PDILT: variants seen among roughly 807,000 people sequenced by gnomAD.
PDILT encodes protein disulfide isomerase like, testis expressed, also known as protein disulfide-isomerase-like protein of the testis.
Under a neutral mutation model 53.7 loss-of-function variants are expected in PDILT, and 43 were observed. The ratio of observed to expected loss-of-function variants is 0.80; its 90% CI spans 0.63 to 1.03. PDILT has a LOEUF of 1.03. PDILT is among the 50% of genes least tolerant of loss of function. PDILT has a pLI of 0.00. For synonymous variants in PDILT, 282 were observed against 274.2 expected, an observed-to-expected ratio of 1.03 and a Z score of -0.28; for missense variants, 727 against 712.3, an observed-to-expected ratio of 1.02 and a Z score of -0.24.
chr16:20,394,121 T>A (rs1210616690), intron 2 of PDILT, among the ~76,000 whole-genome samples: 1 of 151,396 alleles, frequency 6.6e-6, no homozygotes, highest in Non-Finnish European at 1.5e-5. Context: ...CACTAGGGGG[T>A]CTTGGCATGA....
At chr16:20,364,928 G>A (rs901345326) in intron 9 of PDILT, among the ~76,000 whole-genome samples, 3 of 152,190 alleles carry the variant, frequency 2.0e-5, no homozygotes, top group Non-Finnish European at 2.9e-5. Flanking sequence ...AGGAGTGTAG[G>A]TGCTGAAGTC....
intron 2 of PDILT, chr16:20,385,912 A>G (rs1417524894): frequency 1.3e-5 from 2 of 152,224 alleles, no homozygotes; most frequent in East Asian, 1.9e-4. Flanking sequence ...GAGAGGAAGC[A>G]TGAGAGCTCA....
chr16:20,387,715 G>A (rs1219611790), intron 2 of PDILT, among the ~76,000 whole-genome samples: 1 of 151,860 alleles, frequency 6.6e-6, no homozygotes, highest in African/African-American at 2.4e-5. Context: ...CCACCTCCCG[G>A]GTTCAAGTGA....
At position 20,389,698 on chromosome 16, in the gene PDILT, C is replaced by A. The variant is rs193237739; in HGVS notation, c.203-4847G>T. 3.6e-3 allele frequency among the ~76,000 whole-genome samples: 545 copies of A among 151,638 alleles called. 4 individuals are homozygous for A. Among genetic ancestry groups the A allele is most frequent in the African/African-American group, 0.013 (527 of 41,302 alleles). ...TGTAGATGTGTTAATGGCTGATGGA[C>A]CTAGAATTAACGTTTGCCTGGTCTT... is the stretch of plus-strand genomic sequence containing the variant. On this transcript the variant is annotated intron_variant, in intron 2 of 11. Transcript: ENST00000302451.
At chr16:20,375,561 C>T (rs528570112) in intron 4 of PDILT, among the ~76,000 whole-genome samples, 1 of 152,202 alleles carries the variant, frequency 6.6e-6, no homozygotes, top group Non-Finnish European at 1.5e-5. Flanking sequence ...AAAAAATCTA[C>T]ATGAAAGGCT....
intron 7 of PDILT, among the ~76,000 whole-genome samples, chr16:20,370,508 C>T (rs1319134476): frequency 6.6e-6 from 1 of 152,174 alleles, no homozygotes; most frequent in African/African-American, 2.4e-5. Flanking sequence ...GTGGTGGAAA[C>T]TGCCAGTGCA....
rs184885700 is a variant in PDILT, at chr16:20,400,471, A to T, written c.-7-1164T>A. 4.3e-3 allele frequency among the ~76,000 whole-genome samples: 633 copies of T among 148,240 alleles called. 15 individuals carry two copies. The highest frequency in any genetic ancestry group is 9.2e-4 in the Non-Finnish European group (62 of 67,392). ...CTCTTTTTAACCCTGGATACACATG[A>T]AAATCCTCTGGGGAGCTTTTAGGAG... On this transcript the variant is annotated intron_variant, in intron 1 of 11. Coordinates refer to ENST00000302451, the MANE Select transcript of PDILT (RefSeq NM_174924.2).
At chr16:20,400,864 A>G (rs1309706130) in intron 1 of PDILT, among the ~76,000 whole-genome samples, 1 of 152,200 alleles carries the variant, frequency 6.6e-6, no homozygotes, top group Non-Finnish European at 1.5e-5. Context: ...GATCATACTT[A>G]ATGAAATGCA....
chr16:20,399,254 G>A lies in PDILT; in HGVS notation c.47C>T (p.Ser16Phe), dbSNP rs1454578593. 1 of 1,614,096 alleles carries A rather than the reference G, an allele frequency of 6.2e-7. No individual in the cohort carries two copies. The highest frequency in any genetic ancestry group is 8.5e-7 in the Non-Finnish European group (1 of 1,179,938). The change falls in exon 2 of 12, where the codon TCT becomes TTT. Residue 16 changes from serine to phenylalanine, a missense_variant. Physicochemically the swap from Ser to Phe is radical, Grantham distance 155. Coordinates refer to ENST00000302451, the MANE Select transcript of PDILT (RefSeq NM_174924.2). Reference protein sequence around the residue: ...MPLLLVAACVSAVHSSPEVNA... With the variant: ...MPLLLVAACVFAVHSSPEVNA... ...AACCTCTGGTGAGCTGTGGACAGCA[G>A]AGACACAAGCGGCCACCAGCAGCAG...
At chr16:20,363,071 CAAAAAAAAAA>C (rs1187383410) in intron 9 of PDILT, among the ~76,000 whole-genome samples, 2 of 93,576 alleles carry the variant, frequency 2.1e-5, no homozygotes, top group Admixed American at 1.4e-4. Flanking sequence ...GACTCCATCT[CAAAAAAAAAA>C]AAAAAAAAAA....
At chr16:20,370,916 G>T (rs778521889) in intron 7 of PDILT, among the ~76,000 whole-genome samples, 16 of 152,228 alleles carry the variant, frequency 1.1e-4, no homozygotes, top group Admixed American at 1.3e-4. Flanking sequence ...CTAAAAAGGG[G>T]AAGCATGAAT....
chr16:20,374,722 G>A, intron 5 of PDILT, 100 bp downstream of exon 5: 1 of 1,330,750 alleles, frequency 7.5e-7, no homozygotes, highest in Non-Finnish European at 1.0e-6. Flanking sequence ...CAATGCCACT[G>A]AGTTCACAAG....
At chr16:20,376,845 G>A (rs182188833) in intron 3 of PDILT, among the ~76,000 whole-genome samples, 3 of 152,174 alleles carry the variant, frequency 2.0e-5, no homozygotes, top group Admixed American at 1.3e-4. Context: ...CTATATCTGG[G>A]AAGACAAATT....
At chr16:20,359,707 TGGACTGC>T in intron 11 of PDILT, 140 bp from the exon 12 acceptor site, 1 of 864,740 alleles carries the variant, frequency 1.2e-6, no homozygotes, top group Non-Finnish European at 1.7e-6. Context: ...AATCAGTCTT[TGGACTGC>T]AGGGTTTTCA....
At chr16:20,402,672 T>C (rs1368157135) in intron 1 of PDILT, among the ~76,000 whole-genome samples, 2 of 152,194 alleles carry the variant, frequency 1.3e-5, no homozygotes, top group Non-Finnish European at 2.9e-5. Flanking sequence ...AGCAAAGAAG[T>C]GAACTACTGT....
At chr16:20,392,349 G>A (rs1429370467) in intron 2 of PDILT, among the ~76,000 whole-genome samples, 1 of 152,154 alleles carries the variant, frequency 6.6e-6, no homozygotes, top group African/African-American at 2.4e-5. Context: ...TCCACATGTG[G>A]ACAATGTGGG....
chr16:20,376,106 C>T lies in PDILT; in HGVS notation c.505G>A (p.Val169Met), dbSNP rs867557487. The T allele has an allele frequency of 6.2e-7, 1 of 1,614,056 alleles. No homozygotes were observed. The highest frequency in any genetic ancestry group is 2.2e-5 in the East Asian group (1 of 44,894). Residue 169 changes from valine (V) to methionine (M), a missense_variant, in exon 4 of 12, where the codon GTG becomes ATG. Physicochemically the swap from Val to Met is conservative, Grantham distance 21. Transcript: ENST00000302451. ...FNSSEQVAEF[V>M]ISRPLVIVGF... ...ACGATGACCAAGGGCCTGGATATCA[C>T]AAACTCTGCCACCTGCTCGCTGCTG...
At chr16:20,366,975 C>T (rs1037535546) in intron 8 of PDILT, among the ~76,000 whole-genome samples, 539 of 44,392 alleles carry the variant, frequency 0.012, 36 homozygotes, top group South Asian at 0.12. Flanking sequence ...TTCCTTCCTT[C>T]CTTCCTTCCT....
Position 20,374,957 on chromosome 16 carries a change from A to C in PDILT, c.546T>G (p.Asp182Glu). 4 of 1,604,750 alleles carry C rather than the reference A, an allele frequency of 2.5e-6. No homozygotes were observed. Among genetic ancestry groups the C allele is most frequent in the Non-Finnish European group, 3.4e-6 (4 of 1,174,336 alleles). ...RPLVIVGFFQDLEEEVAELFY... is the reference protein window; with the variant it reads ...RPLVIVGFFQELEEEVAELFY... Reference sequence around the variant, plus strand: ...ACAACTCTGCTACTTCTTCCTCTAAATCCTATTTGGGAAAGGATGTTTGGA... The same window carrying C: ...ACAACTCTGCTACTTCTTCCTCTAACTCCTATTTGGGAAAGGATGTTTGGA... The change falls in exon 5 of 12, where the codon GAT becomes GAG. Residue 182 changes from aspartate (D) to glutamate (E), a missense_variant and splice_region_variant. By Grantham distance (45) the Asp-to-Glu change is conservative. Coordinates refer to ENST00000302451, the MANE Select transcript of PDILT (RefSeq NM_174924.2).
Sources: gnomAD v4.1 joint callset for allele counts (sites outside exome capture counted in the v4.1 genomes callset) on GRCh38, gnomAD v4.1.1 for gene constraint, MANE v1.5 for transcripts, NCBI Gene and HGNC (gene_info 2026-07-23, HGNC 2026-07-21) for gene names.